CTNNA2: variants seen among roughly 807,000 people sequenced by gnomAD.
CTNNA2 encodes catenin alpha 2.
Under a neutral mutation model 101.0 loss-of-function variants are expected in CTNNA2, and 42 were observed. The observed-to-expected ratio is 0.42, with a 90% CI of 0.32 to 0.54. The LOEUF (loss-of-function observed/expected upper bound fraction) is 0.54. Among genes scored for constraint, CTNNA2 ranks in the 20% least tolerant of loss-of-function variants. CTNNA2 has a pLI of 0.14. For missense variants in CTNNA2, 871 were observed against 1,223.1 expected (o/e 0.71, Z 4.29); for synonymous variants, 450 against 456.4 (o/e 0.99, Z 0.18).
chr2:79,679,567 G>A (rs1683417430), intron 2 of CTNNA2, among the ~76,000 whole-genome samples: 1 of 151,988 alleles, frequency 6.6e-6, no homozygotes, highest in Non-Finnish European at 1.5e-5. Context: ...GCCCCATGCT[G>A]GAGCCCCTTT....
intron 4 of CTNNA2, among the ~76,000 whole-genome samples, chr2:79,461,030 C>G (rs184139163): frequency 6.6e-6 from 1 of 151,742 alleles, no homozygotes; most frequent in African/African-American, 2.4e-5. Context: ...TTAGTAGAGA[C>G]GAGATTTCAC....
intron 7 of CTNNA2, among the ~76,000 whole-genome samples, chr2:80,225,175 C>T (rs1708807501): frequency 6.6e-6 from 1 of 152,158 alleles, no homozygotes; most frequent in South Asian, 2.1e-4. Flanking sequence ...CAAGTGACAA[C>T]CATCCAGCAG....
intron 3 of CTNNA2, among the ~76,000 whole-genome samples, chr2:79,768,098 G>A (rs1393911223): frequency 6.6e-6 from 1 of 151,720 alleles, no homozygotes; most frequent in Non-Finnish European, 1.5e-5. Flanking sequence ...GGTTCACCCT[G>A]GCTAGGGCTG....
At chr2:79,480,312 C>T (rs1224147747) in intron 4 of CTNNA2, among the ~76,000 whole-genome samples, 2 of 152,066 alleles carry the variant, frequency 1.3e-5, no homozygotes, top group Non-Finnish European at 2.9e-5. Context: ...TATTACTTTT[C>T]AACATGAGAT....
intron 7 of CTNNA2, among the ~76,000 whole-genome samples, chr2:79,923,594 G>T (rs539324410): frequency 2.0e-5 from 3 of 152,044 alleles, no homozygotes; most frequent in Non-Finnish European, 4.4e-5. Flanking sequence ...TGATGAGCAG[G>T]TATAAAATCT....
intron 7 of CTNNA2, among the ~76,000 whole-genome samples, chr2:80,332,225 T>A (rs1671401040): frequency 6.6e-6 from 1 of 152,190 alleles, no homozygotes; most frequent in African/African-American, 2.4e-5. Flanking sequence ...CTATGACCAG[T>A]GTAGAGTTCC....
intron 7 of CTNNA2, among the ~76,000 whole-genome samples, chr2:80,005,769 A>AT (rs1431737486): frequency 1.1e-5 from 1 of 92,590 alleles, no homozygotes; most frequent in Admixed American, 9.9e-5. Context: ...CACTATGTTT[A>AT]TTTGTTTTTT....
At chr2:80,214,747 C>T (rs575088031) in intron 7 of CTNNA2, among the ~76,000 whole-genome samples, 38 of 152,166 alleles carry the variant, frequency 2.5e-4, no homozygotes, top group African/African-American at 9.2e-4. Context: ...TGGAGTTGCC[C>T]TTCTTGAGGA....
At chr2:79,944,096 A>T (rs1219640172) in intron 7 of CTNNA2, among the ~76,000 whole-genome samples, 1 of 152,172 alleles carries the variant, frequency 6.6e-6, no homozygotes, top group Admixed American at 6.5e-5. Flanking sequence ...GGAAATTAAC[A>T]AAGGAGGATT....
chr2:80,136,614 A>G (rs1474924862), intron 7 of CTNNA2, among the ~76,000 whole-genome samples: 1 of 152,024 alleles, frequency 6.6e-6, no homozygotes, highest in Non-Finnish European at 1.5e-5. Flanking sequence ...GCTACTGTGG[A>G]CACTTTCATC....
chr2:79,226,952 A>G (rs551023762), intron 2 of CTNNA2, among the ~76,000 whole-genome samples: 1 of 149,718 alleles, frequency 6.7e-6, no homozygotes, highest in East Asian at 2.0e-4. Flanking sequence ...TCAGCTGCTC[A>G]GATGGAGAGC....
chr2:80,270,122 G>T (rs1673345620), intron 7 of CTNNA2, among the ~76,000 whole-genome samples: 1 of 152,200 alleles, frequency 6.6e-6, no homozygotes, highest in Non-Finnish European at 1.5e-5. Context: ...GTTCCGATGA[G>T]AAAGATGTTG....
Position 79,961,678 on chromosome 2 carries a change from C to T in CTNNA2, c.1056+51881C>T, listed in dbSNP as rs561711039. Among the ~76,000 whole-genome samples, 59 of 151,992 alleles carry T rather than the reference C, an allele frequency of 3.9e-4. 3 individuals carry two copies. In the East Asian group the frequency reaches 0.011, roughly 28 times the overall value. The stretch of plus-strand genomic sequence containing the variant: ...TCTACTAAAAATACAAAAAATTAGC[C>T]GGGCGTGGTGGCGGGCGCCTGTAGT... On this transcript the variant is annotated intron_variant, in intron 7 of 18. Coordinates refer to ENST00000402739, the MANE Select transcript of CTNNA2 (RefSeq NM_001282597.3).
chr2:79,801,414 A>AT (rs1676146505), intron 3 of CTNNA2, among the ~76,000 whole-genome samples: 1 of 152,216 alleles, frequency 6.6e-6, no homozygotes, highest in Non-Finnish European at 1.5e-5. Context: ...TGCTAATTAA[A>AT]TGCTCTTTAG....
At chr2:80,210,609 A>C (rs534504684) in intron 7 of CTNNA2, among the ~76,000 whole-genome samples, 252 of 152,236 alleles carry the variant, frequency 1.7e-3, no homozygotes, top group African/African-American at 5.7e-3. Context: ...AATCCAGTCT[A>C]TCATTGATGG....
intron 4 of CTNNA2, among the ~76,000 whole-genome samples, chr2:79,488,318 CAAAAAAAAAAAAAAAA>C (rs61641596): frequency 1.6e-4 from 16 of 99,918 alleles, no homozygotes; most frequent in Non-Finnish European, 3.0e-4. Context: ...AACTCCATCT[CAAAAAAAAAAAAAAAA>C]AAAAAAAAAC....
chr2:80,084,783 G>A (rs1335308527), intron 7 of CTNNA2, among the ~76,000 whole-genome samples: 4 of 152,022 alleles, frequency 2.6e-5, no homozygotes, highest in African/African-American at 7.2e-5. Context: ...AAAGGAAATG[G>A]TCAGGGGAAT....
At chr2:79,405,022 C>T (rs1336507655) in intron 4 of CTNNA2, among the ~76,000 whole-genome samples, 1 of 152,008 alleles carries the variant, frequency 6.6e-6, no homozygotes, top group Non-Finnish European at 1.5e-5. Context: ...TTATAATTTG[C>T]TTCTAACCAA....
rs544622256 is a variant in CTNNA2, at chr2:80,006,164, GT to G, written c.1056+96370del. 7.2e-5 allele frequency among the ~76,000 whole-genome samples: 11 copies of G among 152,098 alleles called. 1 individual carries two copies. The South Asian group carries it at 2.1e-3, about 29-fold the overall frequency. ...TAAATTATTTTAACAGTATTTAATT[GT>G]TTGATTTTGAAGAGACAAATATGTT... On this transcript the variant is annotated intron_variant, in intron 7 of 18. Transcript: ENST00000402739.
Sources: allele counts gnomAD v4.1 joint callset (sites outside exome capture counted in the v4.1 genomes callset), GRCh38; gene constraint gnomAD v4.1.1; transcripts MANE v1.5; gene names NCBI Gene and HGNC (gene_info 2026-07-23, HGNC 2026-07-21).